The following FRMD4A variants were observed in gnomAD, a reference collection of about 807,000 sequenced individuals.
FRMD4A encodes the protein FERM domain-containing protein 4A.
FRMD4A carries 29 observed loss-of-function variants against 129.1 expected under a neutral mutation model. That is an observed-to-expected ratio of 0.22 (90% CI 0.17 to 0.31). FRMD4A has a LOEUF of 0.31. Ranked by LOEUF, FRMD4A falls within the 10% of genes least tolerant of loss-of-function variation. The pLI, the probability that FRMD4A is intolerant of heterozygous loss-of-function variation, is 1.00. For missense variants in FRMD4A, 1,272 were observed against 1,375.8 expected (o/e 0.92, Z 1.19); for synonymous variants, 634 against 571.6 (o/e 1.11, Z -1.56).
At chr10:14,044,617 G>A (rs1353136691) in intron 2 of FRMD4A, among the ~76,000 whole-genome samples, 3 of 152,206 alleles carry the variant, frequency 2.0e-5, no homozygotes, top group Non-Finnish European at 4.4e-5. Flanking sequence ...GCAGGAGCTG[G>A]GAGAGGGCAC....
chr10:14,322,985 A>C (rs1194699587), intron 2 of FRMD4A, among the ~76,000 whole-genome samples: 1 of 152,232 alleles, frequency 6.6e-6, no homozygotes, highest in African/African-American at 2.4e-5. Flanking sequence ...ATTGCAGCCC[A>C]TATTTTAGTC....
chr10:13,801,757 C>T (rs1349205849), intron 4 of FRMD4A, among the ~76,000 whole-genome samples: 3 of 152,212 alleles, frequency 2.0e-5, no homozygotes, highest in African/African-American at 7.2e-5. Flanking sequence ...CTGTACTCTA[C>T]AGGGTCAAGA....
chr10:14,012,645 C>T (rs565651354), intron 2 of FRMD4A, among the ~76,000 whole-genome samples: 3 of 152,134 alleles, frequency 2.0e-5, no homozygotes, highest in Admixed American at 6.5e-5. Flanking sequence ...AGCCAGTGCC[C>T]GCGCGGATGC....
intron 2 of FRMD4A, among the ~76,000 whole-genome samples, chr10:14,220,038 G>A (rs1444533676): frequency 1.3e-5 from 2 of 152,168 alleles, no homozygotes; most frequent in African/African-American, 2.4e-5. Flanking sequence ...TTTCATGCCA[G>A]GGTGTCTACT....
intron 3 of FRMD4A, among the ~76,000 whole-genome samples, chr10:13,856,217 AGTGTGTGTGTGTGTGTGTGTGTGTGT>A (rs36225405): frequency 2.1e-5 from 3 of 145,900 alleles, no homozygotes; most frequent in Admixed American, 1.4e-4. Flanking sequence ...ATTTTGTGCA[AGTGTGTGTGTGTGTGTGTGTGTGTGT>A]GTGTGTGTGT....
rs59318900 is a variant in FRMD4A, at chr10:14,273,059, TACACACAC to T, written c.45+56991_45+56998del. 2.8e-5 allele frequency among the ~76,000 whole-genome samples: 4 copies of T among 143,918 alleles called. No individual in the cohort carries two copies. In the Admixed American group the frequency reaches 2.8e-4, roughly 10 times the overall value. 94.4% of individuals were successfully genotyped at this position (143,918 alleles called of 152,430 possible). A position where few individuals can be genotyped will look rare whatever the true frequency, so the allele number is the denominator to read the frequency against. ...GGCCAAACCCTGTCTTTACCAGAAATACACACACACACACACACACACACACACACATG... is the reference window on the plus strand; with the variant it reads ...GGCCAAACCCTGTCTTTACCAGAAATACACACACACACACACACACACATG... On this transcript the variant is annotated intron_variant, in intron 2 of 24. Coordinates refer to ENST00000357447, the MANE Select transcript of FRMD4A (RefSeq NM_018027.5).
At chr10:13,752,070 G>T (rs1008308570) in intron 8 of FRMD4A, among the ~76,000 whole-genome samples, 4 of 152,136 alleles carry the variant, frequency 2.6e-5, no homozygotes, top group African/African-American at 7.2e-5. Context: ...CTCTTGAAAA[G>T]CCAGTTGCTA....
intron 11 of FRMD4A, among the ~76,000 whole-genome samples, chr10:13,739,929 G>C (rs1471378727): frequency 6.6e-6 from 1 of 152,138 alleles, no homozygotes; most frequent in South Asian, 2.1e-4. Flanking sequence ...GCAAAACCTC[G>C]TCTCTACTAA....
chr10:14,229,670 C>T (rs2131985614), intron 2 of FRMD4A, among the ~76,000 whole-genome samples: 1 of 152,242 alleles, frequency 6.6e-6, no homozygotes, highest in Non-Finnish European at 1.5e-5. Flanking sequence ...AACTCGCGGG[C>T]ACAAGCCGTC....
intron 3 of FRMD4A, among the ~76,000 whole-genome samples, chr10:13,820,430 G>A (rs1016371884): frequency 1.3e-5 from 2 of 152,012 alleles, no homozygotes; most frequent in African/African-American, 2.4e-5. Flanking sequence ...GCCGACCTTG[G>A]GTCACTCCAT....
At chr10:13,822,231 T>C (rs975817475) in intron 3 of FRMD4A, among the ~76,000 whole-genome samples, 4 of 152,206 alleles carry the variant, frequency 2.6e-5, no homozygotes, top group African/African-American at 9.7e-5. Flanking sequence ...ATTTCCAAAC[T>C]ACTCTCAGCA....
chr10:14,326,658 T>C, intron 2 of FRMD4A: 1 of 395,218 alleles, frequency 2.5e-6, no homozygotes, highest in Admixed American at 4.4e-5. Context: ...ATAACACCCT[T>C]GAAGCCCCTT....
At chr10:13,980,025 G>T (rs1411636878) in intron 2 of FRMD4A, among the ~76,000 whole-genome samples, 1 of 152,206 alleles carries the variant, frequency 6.6e-6, no homozygotes, top group East Asian at 1.9e-4. Flanking sequence ...CAATGCTGGG[G>T]ACCTGATGAA....
At chr10:13,739,813 A>G (rs1211454863) in intron 11 of FRMD4A, among the ~76,000 whole-genome samples, 1 of 152,194 alleles carries the variant, frequency 6.6e-6, no homozygotes, top group Non-Finnish European at 1.5e-5. Context: ...GAAAAAAACA[A>G]TGAGGGCCAG....
At chr10:13,973,777 G>A (rs956232989) in intron 2 of FRMD4A, among the ~76,000 whole-genome samples, 2 of 119,462 alleles carry the variant, frequency 1.7e-5, no homozygotes, top group African/African-American at 1.2e-4. Context: ...CAGGGAGGGA[G>A]GGTGAAAGGG....
chr10:14,079,270 T>C (rs1835789487), intron 2 of FRMD4A, among the ~76,000 whole-genome samples: 1 of 152,122 alleles, frequency 6.6e-6, no homozygotes, highest in Non-Finnish European at 1.5e-5. Context: ...GATCTGCTCT[T>C]AGCCTCTTTA....
At chr10:14,319,254 C>A (rs1442331382) in intron 2 of FRMD4A, among the ~76,000 whole-genome samples, 1 of 152,078 alleles carries the variant, frequency 6.6e-6, no homozygotes, top group Non-Finnish European at 1.5e-5. Flanking sequence ...TGACCCATAA[C>A]ATTTATGAGT....
intron 2 of FRMD4A, among the ~76,000 whole-genome samples, chr10:14,013,616 A>G (rs2095688995): frequency 6.6e-6 from 1 of 152,130 alleles, no homozygotes; most frequent in Non-Finnish European, 1.5e-5. Flanking sequence ...GGGCTTAAAC[A>G]CCCATTAGTC....
intron 4 of FRMD4A, among the ~76,000 whole-genome samples, chr10:13,805,124 G>C (rs2093337218): frequency 6.6e-6 from 1 of 152,048 alleles, no homozygotes; most frequent in Admixed American, 6.6e-5. Context: ...GAGGTTAAAA[G>C]CTACTCGTTT....
Sources: gnomAD v4.1 joint callset for allele counts (sites outside exome capture counted in the v4.1 genomes callset) on GRCh38, gnomAD v4.1.1 for gene constraint, MANE v1.5 for transcripts, NCBI Gene and HGNC (gene_info 2026-07-23, HGNC 2026-07-21) for gene names.